AGMO: variants seen among roughly 807,000 people sequenced by gnomAD.
AGMO encodes alkylglycerol monooxygenase, also known as glyceryl-ether monooxygenase.
AGMO carries 75 observed loss-of-function variants against 60.2 expected under a neutral mutation model. The observed-to-expected ratio is 1.25, with a 90% CI of 1.03 to 1.51. The LOEUF is 1.51. Ranked by LOEUF, AGMO falls within the 40% of genes most tolerant of loss-of-function variation. The probability of loss-of-function intolerance (pLI) is 0.00; values close to 1 mark genes in which losing one functional copy is unlikely to be tolerated. For synonymous variants in AGMO, 261 were observed against 177.1 expected, an observed-to-expected ratio of 1.47 and a Z score of -3.76; for missense variants, 763 against 525.5, an observed-to-expected ratio of 1.45 and a Z score of -4.42.
intron 12 of AGMO, among the ~76,000 whole-genome samples, chr7:15,360,939 T>C (rs1378091240): frequency 6.6e-6 from 1 of 151,756 alleles, no homozygotes; most frequent in Non-Finnish European, 1.5e-5. Context: ...ACCAGATAAA[T>C]TATAAATAAA....
intron 12 of AGMO, among the ~76,000 whole-genome samples, chr7:15,306,775 C>A (rs2128529152): frequency 6.6e-6 from 1 of 152,070 alleles, no homozygotes; most frequent in East Asian, 1.9e-4. Flanking sequence ...ACTAAGATTT[C>A]TACTTTATTA....
intron 5 of AGMO, among the ~76,000 whole-genome samples, chr7:15,415,751 C>T (rs949868935): frequency 2.0e-5 from 3 of 152,068 alleles, no homozygotes; most frequent in African/African-American, 7.2e-5. Context: ...ACCCAAATAA[C>T]ACCTGACATC....
chr7:15,355,972 A>G (rs1438083838), intron 12 of AGMO, among the ~76,000 whole-genome samples: 2 of 101,630 alleles, frequency 2.0e-5, no homozygotes, highest in African/African-American at 1.2e-4. Flanking sequence ...TCCTTCAAAC[A>G]TAATGATCCA....
chr7:15,513,376 C>T (rs1334270213), intron 3 of AGMO, among the ~76,000 whole-genome samples: 3 of 152,172 alleles, frequency 2.0e-5, no homozygotes, highest in East Asian at 3.8e-4. Context: ...GATTTACAAA[C>T]TCTCTGAGGC....
chr7:15,386,223 A>C (rs1421297683), intron 9 of AGMO, among the ~76,000 whole-genome samples: 1 of 152,134 alleles, frequency 6.6e-6, no homozygotes, highest in Non-Finnish European at 1.5e-5. Flanking sequence ...CAGTGTAGGT[A>C]ATCATGCTTC....
At chr7:15,234,371 C>G (rs776032428) in intron 12 of AGMO, among the ~76,000 whole-genome samples, 4 of 152,074 alleles carry the variant, frequency 2.6e-5, no homozygotes, top group Non-Finnish European at 5.9e-5. Flanking sequence ...TTCCCCCACA[C>G]AGCAAAAGTC....
chr7:15,418,466 T>C, intron 5 of AGMO, 92 bp downstream of exon 5: 1 of 764,158 alleles, frequency 1.3e-6, no homozygotes, highest in Non-Finnish European at 2.1e-6. Flanking sequence ...CAAAGATTTT[T>C]CTTACACAAT....
intron 3 of AGMO, among the ~76,000 whole-genome samples, chr7:15,462,714 T>C (rs935119210): frequency 1.3e-5 from 2 of 152,292 alleles, no homozygotes; most frequent in African/African-American, 2.4e-5. Flanking sequence ...AGCTCTATCA[T>C]GTGATTGGCT....
At chr7:15,484,795 C>A (rs1782868467) in intron 3 of AGMO, among the ~76,000 whole-genome samples, 1 of 151,994 alleles carries the variant, frequency 6.6e-6, no homozygotes, top group South Asian at 2.1e-4. Context: ...TGAGAAACAA[C>A]AAACTCAAAA....
At chr7:15,560,348 C>G (rs547961749) in intron 1 of AGMO, 77 bp from the exon 2 acceptor site, 7 of 1,499,480 alleles carry the variant, frequency 4.7e-6, no homozygotes, top group Non-Finnish European at 6.3e-6. Context: ...TTAGTCATTT[C>G]AGAATTGAAA....
intron 3 of AGMO, among the ~76,000 whole-genome samples, chr7:15,468,086 G>A (rs1287482905): frequency 1.3e-5 from 2 of 152,114 alleles, no homozygotes; most frequent in Non-Finnish European, 2.9e-5. Context: ...GACTGAACAA[G>A]GTGGGCAATT....
rs78213362 is a variant in AGMO at position 15,477,900 on chromosome 7, T to A, written c.410-46792A>T. Among the ~76,000 whole-genome samples, 551 of 152,248 alleles carry A rather than the reference T, an allele frequency of 3.6e-3. 5 individuals are homozygous for A. The highest frequency in any genetic ancestry group is 6.1e-3 in the Non-Finnish European group (417 of 68,000). On this transcript the variant is annotated intron_variant, in intron 3 of 12. Coordinates refer to ENST00000342526, the MANE Select transcript of AGMO (RefSeq NM_001004320.2). ...TGGTGATTCTGATACACAGCCAACA[T>A]TGATAACCACTTCTATACTGGATAT...
chr7:15,530,902 G>A (rs1463290576), intron 3 of AGMO, among the ~76,000 whole-genome samples: 1 of 137,874 alleles, frequency 7.3e-6, no homozygotes, highest in East Asian at 2.1e-4. Flanking sequence ...CTGGAATACA[G>A]ACCATTTTTG....
chr7:15,299,887 A>ACACACT (rs1170360550), intron 12 of AGMO, among the ~76,000 whole-genome samples: 19 of 97,370 alleles, frequency 2.0e-4, no homozygotes, highest in African/African-American at 6.5e-4. Flanking sequence ...ACACACACAC[A>ACACACT]GTATGTTTTG....
chr7:15,281,789 G>A (rs1167187117), intron 12 of AGMO, among the ~76,000 whole-genome samples: 2 of 152,088 alleles, frequency 1.3e-5, no homozygotes, highest in East Asian at 1.9e-4. Flanking sequence ...AAATTATTGA[G>A]GGGAAAATAG....
At chr7:15,354,322 A>ACACACGCGTG (rs1782372891) in intron 12 of AGMO, among the ~76,000 whole-genome samples, 2 of 88,702 alleles carry the variant, frequency 2.3e-5, no homozygotes, top group Admixed American at 1.0e-4. Flanking sequence ...ACGCGTGTAT[A>ACACACGCGTG]TACGTACGCG....
chr7:15,366,254 GT>G, intron 10 of AGMO, 32 bp from the exon 11 acceptor site: 1 of 1,529,706 alleles, frequency 6.5e-7, no homozygotes, highest in Non-Finnish European at 9.0e-7. Flanking sequence ...CAATGGAGCC[GT>G]TAGAAGAATT....
chr7:15,511,600 T>C (rs939093726), intron 3 of AGMO, among the ~76,000 whole-genome samples: 2 of 152,136 alleles, frequency 1.3e-5, no homozygotes, highest in African/African-American at 4.8e-5. Flanking sequence ...TACTGTATTG[T>C]ATACTTGAAA....
intron 12 of AGMO, among the ~76,000 whole-genome samples, chr7:15,235,637 C>T (rs1055512037): frequency 2.6e-5 from 4 of 152,054 alleles, no homozygotes; most frequent in Non-Finnish European, 5.9e-5. Context: ...ACTACTGTTT[C>T]AGAAAATAGA....
Sources: gnomAD v4.1 joint callset for allele counts (sites outside exome capture counted in the v4.1 genomes callset) on GRCh38, gnomAD v4.1.1 for gene constraint, MANE v1.5 for transcripts, NCBI Gene and HGNC (gene_info 2026-07-23, HGNC 2026-07-21) for gene names.